CLASP2: variants seen among roughly 807,000 people sequenced by gnomAD.
The protein encoded by CLASP2 is CLIP-associating protein 2.
CLASP2 carries 47 observed loss-of-function variants against 194.4 expected under a neutral mutation model. The observed-to-expected ratio is 0.24, with a 90% CI of 0.19 to 0.31. CLASP2 has a LOEUF of 0.31. CLASP2 is among the 10% of genes least tolerant of loss of function. The pLI, the probability that CLASP2 is intolerant of heterozygous loss-of-function variation, is 1.00. For missense variants in CLASP2, 1,445 were observed against 1,823.6 expected (o/e 0.79, Z 3.78); for synonymous variants, 619 against 633.5 (o/e 0.98, Z 0.34).
At chr3:33,575,514 T>C (rs1013347367) in intron 24 of CLASP2, among the ~76,000 whole-genome samples, 1 of 152,136 alleles carries the variant, frequency 6.6e-6, no homozygotes, top group East Asian at 1.9e-4. Context: ...AAAGAGGAAG[T>C]GATACTGAAT....
intron 34 of CLASP2, among the ~76,000 whole-genome samples, chr3:33,529,627 T>C (rs1194158931): frequency 6.6e-6 from 1 of 152,126 alleles, no homozygotes; most frequent in Non-Finnish European, 1.5e-5. Context: ...CACACATTAG[T>C]CTAGTCCTAC....
chr3:33,540,993 G>A (rs1444239415), intron 32 of CLASP2, among the ~76,000 whole-genome samples: 1 of 151,890 alleles, frequency 6.6e-6, no homozygotes, highest in South Asian at 2.1e-4. Context: ...GGCTGGTCTC[G>A]AACTCCTGAC....
chr3:33,519,751 T>G (rs77883911), intron 34 of CLASP2, among the ~76,000 whole-genome samples: 1 of 152,246 alleles, frequency 6.6e-6, no homozygotes, highest in East Asian at 1.9e-4. Context: ...GGCTTATCCA[T>G]CTTCAAAGAA....
chr3:33,552,616 T>C (rs2060216532), intron 29 of CLASP2, among the ~76,000 whole-genome samples: 1 of 152,222 alleles, frequency 6.6e-6, no homozygotes, highest in Non-Finnish European at 1.5e-5. Flanking sequence ...ATTTAATGTG[T>C]ACAAGTTTTG....
chr3:33,511,675 CTG>C (rs1003645884), intron 36 of CLASP2, among the ~76,000 whole-genome samples: 1 of 152,002 alleles, frequency 6.6e-6, no homozygotes, highest in African/African-American at 2.4e-5. Flanking sequence ...TTACCAGAGT[CTG>C]TAATCTCTAA....
At chr3:33,671,577 C>T (rs2087218789) in intron 6 of CLASP2, among the ~76,000 whole-genome samples, 1 of 152,110 alleles carries the variant, frequency 6.6e-6, no homozygotes, top group Non-Finnish European at 1.5e-5. Context: ...CTAGGGAGTG[C>T]CAGACAGTGG....
At chr3:33,603,692 G>A (rs1374044431) in intron 17 of CLASP2, among the ~76,000 whole-genome samples, 5 of 151,940 alleles carry the variant, frequency 3.3e-5, no homozygotes, top group Admixed American at 6.5e-5. Flanking sequence ...GCGCGATCTC[G>A]ACTCACTGCA....
rs200857003 is a variant in CLASP2 at position 33,708,506 on chromosome 3, G to A, written c.195+9302C>T. On this transcript the variant is annotated intron_variant, in intron 1 of 38. Transcript: ENST00000682230. ...TGTGTGTATGTATATATATATATAT[G>A]TATATATATGTATATATGTATATAT... 4.0e-3 allele frequency among the ~76,000 whole-genome samples: 234 copies of A among 58,502 alleles called. 2 individuals carry two copies. Among genetic ancestry groups the A allele is most frequent in the East Asian group, 5.2e-3 (7 of 1,344 alleles). The allele number at this position is 58,502 out of a possible 152,430, so 38.4% of individuals were successfully genotyped here.
At chr3:33,663,547 AT>A in intron 6 of CLASP2, 32 bp from the exon 7 acceptor site, 1 of 1,464,588 alleles carries the variant, frequency 6.8e-7, no homozygotes, top group South Asian at 1.2e-5. Context: ...GGTTTGTTTG[AT>A]TTTTTAAAAC....
intron 8 of CLASP2, among the ~76,000 whole-genome samples, chr3:33,638,207 G>A (rs974151379): frequency 4.6e-5 from 7 of 152,168 alleles, no homozygotes; most frequent in Non-Finnish European, 7.4e-5. Flanking sequence ...TTACACCTCA[G>A]GGTGATGAGA....
At chr3:33,669,126 T>A (rs2086698804) in intron 6 of CLASP2, among the ~76,000 whole-genome samples, 1 of 152,242 alleles carries the variant, frequency 6.6e-6, no homozygotes, top group Admixed American at 6.5e-5. Flanking sequence ...GCAAAAATTC[T>A]AAGCACATAT....
In CLASP2 at chr3:33,559,815, A is replaced by G. The variant is rs2061518066; in HGVS notation, c.2931-430T>C. The stretch of plus-strand genomic sequence containing the variant: ...AGGCTGAGGCAGGAGAATCGCTTGA[A>G]CCCAGGAGGCAGAGGTTGCAGTGAG... On this transcript the variant is annotated intron_variant, in intron 28 of 38. Coordinates refer to ENST00000682230, the MANE Select transcript of CLASP2 (RefSeq NM_001365631.1). 3.3e-5 allele frequency among the ~76,000 whole-genome samples: 5 copies of G among 151,942 alleles called. No individual in the cohort carries two copies. In the South Asian group the frequency reaches 1.0e-3, roughly 32 times the overall value.
chr3:33,696,764 A>G, intron 2 of CLASP2, 91 bp downstream of exon 2: 1 of 886,516 alleles, frequency 1.1e-6, no homozygotes, highest in Non-Finnish European at 1.8e-6. Context: ...TTTTTAATTT[A>G]CAGAGAACTA....
At chr3:33,663,771 G>A (rs1008403975) in intron 6 of CLASP2, among the ~76,000 whole-genome samples, 1 of 152,058 alleles carries the variant, frequency 6.6e-6, no homozygotes, top group Non-Finnish European at 1.5e-5. Context: ...ACACAAAGCA[G>A]TTTCTCATGT....
chr3:33,686,297 C>G (rs1480247959), intron 5 of CLASP2, among the ~76,000 whole-genome samples: 5 of 152,102 alleles, frequency 3.3e-5, no homozygotes, highest in Non-Finnish European at 5.9e-5. Context: ...GACCAGGGAT[C>G]CCCAAGCCCC....
At chr3:33,626,263 G>A (rs932391054) in intron 10 of CLASP2, among the ~76,000 whole-genome samples, 7 of 152,098 alleles carry the variant, frequency 4.6e-5, no homozygotes, top group African/African-American at 1.7e-4. Flanking sequence ...TTCATGATCA[G>A]CCAGATTGGG....
chr3:33,586,489 G>A (rs1213789727), intron 21 of CLASP2, among the ~76,000 whole-genome samples: 1 of 152,032 alleles, frequency 6.6e-6, no homozygotes, highest in Non-Finnish European at 1.5e-5. Context: ...CAGGAACACA[G>A]GTAGAGTTAG....
At position 33,606,581 on chromosome 3, in the gene CLASP2, A is replaced by G. The variant is rs2073902279; in HGVS notation, c.1694+10T>C. ...GAAGAGACTAGTAATCATTATTTAT[A>G]TGACCTTACTTGAGACTTTCCTGTG... is the stretch of plus-strand genomic sequence containing the variant. On this transcript the variant is annotated intron_variant, in intron 16 of 38. Coordinates refer to ENST00000682230, the MANE Select transcript of CLASP2 (RefSeq NM_001365631.1). 6.2e-7 allele frequency: 1 copy of G among 1,607,378 alleles called. No homozygotes were observed. The highest frequency in any genetic ancestry group is 8.5e-7 in the Non-Finnish European group (1 of 1,175,742).
intron 29 of CLASP2, among the ~76,000 whole-genome samples, chr3:33,554,184 A>G (rs1293860131): frequency 2.0e-5 from 3 of 149,510 alleles, no homozygotes; most frequent in Non-Finnish European, 3.0e-5. Flanking sequence ...CCGAGGTCAC[A>G]CCACTGCGCT....
Sources: gnomAD v4.1 joint callset for allele counts (sites outside exome capture counted in the v4.1 genomes callset) on GRCh38, gnomAD v4.1.1 for gene constraint, MANE v1.5 for transcripts, NCBI Gene and HGNC (gene_info 2026-07-23, HGNC 2026-07-21) for gene names.